SGIP1: variants seen among roughly 807,000 people sequenced by gnomAD.
SGIP1 encodes the protein SH3-containing GRB2-like protein 3-interacting protein 1.
SGIP1 carries 38 observed loss-of-function variants against 107.5 expected under a neutral mutation model. That is an observed-to-expected ratio of 0.35 (90% CI 0.27 to 0.46). SGIP1 has a LOEUF of 0.46. Among genes scored for constraint, SGIP1 ranks in the 20% least tolerant of loss-of-function variants. The pLI is 1.00. For synonymous variants in SGIP1, 365 were observed against 366.1 expected (o/e 1.00, Z 0.03); for missense variants, 929 against 1,019.5 (o/e 0.91, Z 1.21).
intron 15 of SGIP1, among the ~76,000 whole-genome samples, chr1:66,684,942 T>C (rs1314083360): frequency 6.6e-6 from 1 of 152,268 alleles, no homozygotes; most frequent in African/African-American, 2.4e-5. Context: ...ATTGGATTTC[T>C]ACGTAGAAAA....
chr1:66,741,246 C>A, intron 23 of SGIP1, 26 bp from the exon 24 acceptor site: 1 of 1,546,140 alleles, frequency 6.5e-7, no homozygotes, highest in Non-Finnish European at 8.7e-7. Flanking sequence ...TTGACTGTTA[C>A]CTTGTAATAA....
Position 66,575,996 on chromosome 1 carries a change from G to A in SGIP1, c.10+41628G>A, listed in dbSNP as rs1054700662. On this transcript the variant is annotated intron_variant, in intron 1 of 24. Coordinates refer to ENST00000371037, the MANE Select transcript of SGIP1 (RefSeq NM_032291.4). Reference sequence around the variant, plus strand: ...GCAGGACCCGTTTTCCTAGGAACACGTGTGCACTGCACTGAGAGTGAAGAT... The same window carrying A: ...GCAGGACCCGTTTTCCTAGGAACACATGTGCACTGCACTGAGAGTGAAGAT... 4.6e-5 allele frequency among the ~76,000 whole-genome samples: 7 copies of A among 152,186 alleles called. No individual in the cohort carries two copies. The South Asian group carries it at 8.3e-4, about 18-fold the overall frequency.
intron 7 of SGIP1, among the ~76,000 whole-genome samples, chr1:66,655,430 C>T (rs2079553944): frequency 6.6e-6 from 1 of 152,166 alleles, no homozygotes; most frequent in South Asian, 2.1e-4. Flanking sequence ...ATTTGCTCTA[C>T]TTTTTAAAAT....
intron 18 of SGIP1, among the ~76,000 whole-genome samples, chr1:66,717,821 T>G (rs1031479390): frequency 3.3e-5 from 5 of 152,150 alleles, no homozygotes; most frequent in Non-Finnish European, 7.4e-5. Flanking sequence ...GCAATATATG[T>G]AAAACACTTA....
intron 1 of SGIP1, among the ~76,000 whole-genome samples, chr1:66,550,499 A>G (rs974732938): frequency 6.6e-6 from 1 of 152,150 alleles, no homozygotes; most frequent in Non-Finnish European, 1.5e-5. Context: ...CATAATAAAA[A>G]GAAGACTGAG....
intron 8 of SGIP1, among the ~76,000 whole-genome samples, chr1:66,667,179 A>AC (rs61197134): frequency 0.021 from 3,063 of 148,742 alleles, 85 homozygotes; most frequent in African/African-American, 0.064. Flanking sequence ...TTCTCTAAGT[A>AC]CCCCCCCCCA....
intron 7 of SGIP1, among the ~76,000 whole-genome samples, chr1:66,645,550 C>T (rs1485244246): frequency 1.6e-4 from 24 of 152,160 alleles, no homozygotes; most frequent in Non-Finnish European, 1.6e-4. Flanking sequence ...AAACCAACAA[C>T]GCCACAGACC....
At chr1:66,691,097 C>A (rs928880206) in intron 17 of SGIP1, among the ~76,000 whole-genome samples, 1 of 152,128 alleles carries the variant, frequency 6.6e-6, no homozygotes, top group Non-Finnish European at 1.5e-5. Flanking sequence ...TGTCTCCCAC[C>A]TAGGGCTTTC....
chr1:66,667,399 T>A, intron 8 of SGIP1, 131 bp from the exon 9 acceptor site: 1 of 851,884 alleles, frequency 1.2e-6, no homozygotes, highest in Non-Finnish European at 2.0e-6. Flanking sequence ...CTGCCTGTCT[T>A]CCTTTGGCCT....
rs1022357535 is a variant in SGIP1, at chr1:66,747,953, A to G, written c.*4858A>G. Reference sequence around the variant, plus strand: ...ATCAAAACAAGAGTGATCTCTAAATATAGCTTTGAAAGTTAATATAATATG... The same window carrying G: ...ATCAAAACAAGAGTGATCTCTAAATGTAGCTTTGAAAGTTAATATAATATG... On this transcript the variant is annotated 3_prime_UTR_variant, in exon 25 of 25. Transcript: ENST00000371037. 6.6e-6 allele frequency: 1 copy of G among 152,106 alleles called. No homozygotes were observed. Among genetic ancestry groups the G allele is most frequent in the South Asian group, 2.1e-4 (1 of 4,826 alleles). The allele number at this position is 152,106 out of a possible 1,614,324, so 9.4% of individuals were successfully genotyped here. A position where few individuals can be genotyped will look rare whatever the true frequency, so the allele number is the denominator to read the frequency against.
At chr1:66,687,512 C>T (rs986604470) in intron 15 of SGIP1, among the ~76,000 whole-genome samples, 2 of 151,894 alleles carry the variant, frequency 1.3e-5, no homozygotes, top group Non-Finnish European at 2.9e-5. Context: ...GATGTGCAAG[C>T]CAAGCAAAAA....
chr1:66,604,333 C>T (rs191389506), intron 1 of SGIP1, among the ~76,000 whole-genome samples: 25 of 151,888 alleles, frequency 1.6e-4, no homozygotes, highest in Admixed American at 4.6e-4. Context: ...AGGAAGATGC[C>T]GAAATAATGA....
intron 1 of SGIP1, among the ~76,000 whole-genome samples, chr1:66,570,886 A>G (rs2060289176): frequency 6.6e-6 from 1 of 151,782 alleles, no homozygotes; most frequent in Non-Finnish European, 1.5e-5. Context: ...TATCCACTTC[A>G]TCTCCCCTAT....
intron 1 of SGIP1, among the ~76,000 whole-genome samples, chr1:66,585,419 G>A (rs950511389): frequency 1.3e-5 from 2 of 152,176 alleles, no homozygotes; most frequent in Admixed American, 6.5e-5. Flanking sequence ...ATGTCAGAAC[G>A]TTTCCTTCTG....
chr1:66,684,012 C>A lies in SGIP1; in HGVS notation c.1315+1643C>A, dbSNP rs893179129. 6 of 1,507,062 alleles carry A rather than the reference C, an allele frequency of 4.0e-6. No homozygotes were observed. In the African/African-American group the frequency reaches 6.9e-5, roughly 17 times the overall value. 93.4% of individuals were successfully genotyped at this position (1,507,062 alleles called of 1,614,324 possible). ...GATTATAGGCTTGAGCTACCGCGCCCAGCCCTAAATGCTTTTTGGCCCTAA... is the reference window on the plus strand; with the variant it reads ...GATTATAGGCTTGAGCTACCGCGCCAAGCCCTAAATGCTTTTTGGCCCTAA... On this transcript the variant is annotated intron_variant, in intron 15 of 24. Coordinates refer to ENST00000371037, the MANE Select transcript of SGIP1 (RefSeq NM_032291.4).
intron 1 of SGIP1, among the ~76,000 whole-genome samples, chr1:66,574,504 T>C (rs1272851645): frequency 1.3e-5 from 2 of 152,184 alleles, no homozygotes; most frequent in Admixed American, 6.6e-5. Flanking sequence ...ATTAGGCACA[T>C]GTGTTATACA....
intron 7 of SGIP1, among the ~76,000 whole-genome samples, chr1:66,655,961 CTT>C: frequency 6.6e-6 from 1 of 152,066 alleles, no homozygotes; most frequent in Non-Finnish European, 1.5e-5. Flanking sequence ...TGTATTGACT[CTT>C]TTGTTATAAC....
At chr1:66,568,372 T>G (rs201298059) in intron 1 of SGIP1, among the ~76,000 whole-genome samples, 1 of 111,260 alleles carries the variant, frequency 9.0e-6, no homozygotes, top group African/African-American at 3.8e-5. Context: ...AGAAGTTGCT[T>G]ACCAGCTTAA....
At chr1:66,631,707 CT>C (rs1459796063) in intron 2 of SGIP1, among the ~76,000 whole-genome samples, 15 of 117,336 alleles carry the variant, frequency 1.3e-4, no homozygotes, top group Non-Finnish European at 1.8e-5. Context: ...CTCTCTCTCT[CT>C]CTCTCTCTCT....
Sources: allele counts gnomAD v4.1 joint callset (sites outside exome capture counted in the v4.1 genomes callset), GRCh38; gene constraint gnomAD v4.1.1; transcripts MANE v1.5; gene names NCBI Gene and HGNC (gene_info 2026-07-23, HGNC 2026-07-21).